Variants in MTRR observed in about 807,000 individuals in gnomAD.
The protein encoded by MTRR is 5-methyltetrahydrofolate-homocysteine methyltransferase reductase, also known as methionine synthase reductase.
In MTRR, 63 loss-of-function variants were observed where a neutral mutation model predicts 79.2. That is an observed-to-expected ratio of 0.80 (90% confidence interval 0.65 to 0.98). The LOEUF (loss-of-function observed/expected upper bound fraction) is 0.98, where lower values mean the gene tolerates loss of function less well. MTRR is among the 50% of genes least tolerant of loss of function. MTRR has a pLI of 0.00. For missense variants in MTRR, 895 were observed against 839.6 expected, an observed-to-expected ratio of 1.07 and a Z score of -0.82; for synonymous variants, 355 against 313.3, an observed-to-expected ratio of 1.13 and a Z score of -1.41.
Position 7,889,086 on chromosome 5 carries a change from T to G in MTRR, c.1147-9T>G. The G allele has an allele frequency of 1.2e-6, 2 of 1,614,094 alleles. No homozygotes were observed. The highest frequency in any genetic ancestry group is 1.7e-6 in the Non-Finnish European group (2 of 1,180,006). ...TGTGTCACAATTTAAGGCGGGCTCC[T>G]TTTTGTAGGCATTTTTGCGAGCCCT... On this transcript the variant is annotated splice_polypyrimidine_tract_variant and intron_variant, in intron 8 of 14. Coordinates refer to ENST00000440940, the MANE Select transcript of MTRR (RefSeq NM_002454.3).
At chr5:7,851,068 C>G (rs161874), upstream of MTRR, 11 of 1,235,100 alleles carry the variant, frequency 8.9e-6, no homozygotes, top group South Asian at 4.3e-4. Context: ...CCGTCCCGCC[C>G]GCCCAGGGGC....
chr5:7,867,590 T>G, upstream of MTRR: 1 of 1,614,270 alleles, frequency 6.2e-7, no homozygotes, highest in Non-Finnish European at 8.5e-7. Context: ...CTTTTCAAAC[T>G]GAAAGCATAA....
chr5:7,850,953 C>G, upstream of MTRR: 1 of 1,336,668 alleles, frequency 7.5e-7, no homozygotes, highest in Non-Finnish European at 9.6e-7. Flanking sequence ...CGGACTGCGC[C>G]GAGACGGGCG....
intron 3 of MTRR, among the ~76,000 whole-genome samples, chr5:7,874,051 G>A (rs1294909496): frequency 2.0e-5 from 3 of 152,110 alleles, no homozygotes; most frequent in Non-Finnish European, 4.4e-5. Context: ...TCCAAGGTAG[G>A]GCCCTGGCAT....
chr5:7,896,502 A>G (rs915751610), intron 12 of MTRR: 7 of 320,472 alleles, frequency 2.2e-5, no homozygotes, highest in Admixed American at 4.7e-5. Flanking sequence ...CACTTTACAC[A>G]TTCTGCCTTT....
chr5:7,884,931 C>G (rs1162895076), intron 6 of MTRR, among the ~76,000 whole-genome samples: 4 of 152,140 alleles, frequency 2.6e-5, no homozygotes, highest in East Asian at 3.8e-4. Context: ...AATATTAATA[C>G]TATGTACACC....
intron 4 of MTRR, 145 bp from the exon 5 acceptor site, chr5:7,877,799 A>T: frequency 3.7e-6 from 4 of 1,070,538 alleles, no homozygotes; most frequent in Non-Finnish European, 4.2e-6. Flanking sequence ...TTAATCATGA[A>T]GTATTTTTTG....
chr5:7,863,047 C>A, intron 2 of MTRR: 1 of 1,508,226 alleles, frequency 6.6e-7, no homozygotes, highest in Non-Finnish European at 9.1e-7. Context: ...GATATAACAA[C>A]AGAGAATAAA....
upstream of MTRR, among the ~76,000 whole-genome samples, chr5:7,868,715 A>C (rs1747262872): frequency 6.6e-6 from 1 of 152,214 alleles, no homozygotes; most frequent in Non-Finnish European, 1.5e-5. Context: ...AGATCAATGA[A>C]GGGAGAAGGT....
At chr5:7,872,779 TA>T (rs1748209033) in intron 2 of MTRR, among the ~76,000 whole-genome samples, 1 of 152,212 alleles carries the variant, frequency 6.6e-6, no homozygotes, top group Non-Finnish European at 1.5e-5. Context: ...AGTGCTTATG[TA>T]TCAGTTCTCT....
chr5:7,874,311 T>C (rs13181011), intron 3 of MTRR, among the ~76,000 whole-genome samples: 22,441 of 152,188 alleles, frequency 0.15, 1,986 homozygotes, highest in Non-Finnish European at 0.21. Context: ...AATAACTGAT[T>C]AGAAATTTGA....
At chr5:7,895,528 TGAATA>T (rs890379397) in intron 11 of MTRR, among the ~76,000 whole-genome samples, 2 of 152,202 alleles carry the variant, frequency 1.3e-5, no homozygotes, top group Non-Finnish European at 2.9e-5. Flanking sequence ...ATTTTTTATT[TGAATA>T]GAAAAGAAAA....
chr5:7,900,353 A>G lies in MTRR; in HGVS notation c.*295A>G. On this transcript the variant is annotated 3_prime_UTR_variant, in exon 15 of 15. Transcript: ENST00000440940. ...CCTATCAGCGCCTCCTTTACTTCCCAGAGAACTTCACAGAGACTCTGTCCT... is the reference window on the plus strand; with the variant it reads ...CCTATCAGCGCCTCCTTTACTTCCCGGAGAACTTCACAGAGACTCTGTCCT... The G allele has an allele frequency of 2.7e-6, 1 of 369,054 alleles. No homozygotes were observed. Among genetic ancestry groups the G allele is most frequent in the Non-Finnish European group, 5.0e-6 (1 of 200,040 alleles). The allele number at this position is 369,054 out of a possible 1,614,324, so 22.9% of individuals were successfully genotyped here. A position where few individuals can be genotyped will look rare whatever the true frequency, so the allele number is the denominator to read the frequency against.
In MTRR at chr5:7,900,045, A is replaced by G. The variant is rs763104140; in HGVS notation, c.2084A>G (p.Asp695Gly). The change falls in exon 15 of 15, where the codon GAT becomes GGT. Residue 695 changes from aspartate to glycine, a missense_variant. By Grantham distance (94) the Asp-to-Gly change is moderately conservative (BLOSUM62 -1). Coordinates refer to ENST00000440940, the MANE Select transcript of MTRR (RefSeq NM_002454.3). ...TLKEEKRYLQ[D>G]IWS is the part of the protein sequence containing the mutation. ...AAAGAAGAAAAACGCTACCTTCAGG[A>G]TATTTGGTCATAAAACCAGAAATTA... 2 of 1,613,240 alleles carry G rather than the reference A, an allele frequency of 1.2e-6. No individual in the cohort carries two copies. Among genetic ancestry groups the G allele is most frequent in the Non-Finnish European group, 1.7e-6 (2 of 1,179,908 alleles).
At position 7,873,447 on chromosome 5, in the gene MTRR, A is replaced by T; in HGVS notation, c.204A>T (p.Thr68=). The T allele has an allele frequency of 6.2e-7, 1 of 1,614,192 alleles. No homozygotes were observed. The highest frequency in any genetic ancestry group is 8.5e-7 in the Non-Finnish European group (1 of 1,180,034). Residue 68 remains threonine, a synonymous_variant, in exon 3 of 15, where the codon ACA becomes ACT. Transcript: ENST00000440940. ...STTGTGDPPD[T]ARKFVKEIQN... ...CGGGCACCGGAGACCCACCCGACACAGCCCGCAAGTTTGTTAAGGAAATAC... is the reference window on the plus strand; with the variant it reads ...CGGGCACCGGAGACCCACCCGACACTGCCCGCAAGTTTGTTAAGGAAATAC...
At chr5:7,871,260 A>G (rs762991635) in intron 2 of MTRR, among the ~76,000 whole-genome samples, 2 of 152,322 alleles carry the variant, frequency 1.3e-5, no homozygotes, top group South Asian at 2.1e-4. Flanking sequence ...CACCTCTTGA[A>G]TCTCAGTGTC....
intron 3 of MTRR, 82 bp from the exon 4 acceptor site, chr5:7,875,172 ATTAT>A: frequency 3.3e-6 from 3 of 906,950 alleles, no homozygotes; most frequent in Non-Finnish European, 5.6e-6. Context: ...ATGAAATAGT[ATTAT>A]TTTAGATATT....
intron 5 of MTRR, among the ~76,000 whole-genome samples, chr5:7,880,333 C>T (rs1488756060): frequency 3.9e-5 from 6 of 152,318 alleles, no homozygotes; most frequent in East Asian, 1.9e-4. Context: ...ATTGTTCCAG[C>T]GCAAAGTGAA....
chr5:7,885,466 C>T (rs1484438706), intron 6 of MTRR, among the ~76,000 whole-genome samples: 1 of 151,974 alleles, frequency 6.6e-6, no homozygotes, highest in Non-Finnish European at 1.5e-5. Flanking sequence ...AAAGGCAAAA[C>T]ACTGGGTAAC....
Sources: allele counts gnomAD v4.1 joint callset (sites outside exome capture counted in the v4.1 genomes callset), GRCh38; gene constraint gnomAD v4.1.1; transcripts MANE v1.5; gene names NCBI Gene and HGNC (gene_info 2026-07-23, HGNC 2026-07-21).